Variants in ZFX observed in about 807,000 individuals in gnomAD.
The protein encoded by ZFX is zinc finger protein X-linked.
For synonymous variants in ZFX, 196 were observed against 226.8 expected (o/e 0.86, Z 1.22); for missense variants, 362 against 628.3 (o/e 0.58, Z 4.53).
chrX:24,181,594 TTG>T (rs770743439), intron 5 of ZFX, among the ~76,000 whole-genome samples: 6 of 112,331 alleles, frequency 5.3e-5, no homozygotes, highest in Non-Finnish European at 1.1e-4. Flanking sequence ...TTTTATATCT[TTG>T]TGTACGTTCT....
intron 5 of ZFX, among the ~76,000 whole-genome samples, chrX:24,179,973 G>C (rs1394606774): frequency 9.0e-6 from 1 of 111,155 alleles, no homozygotes; most frequent in Non-Finnish European, 1.9e-5. Flanking sequence ...CATGCCTGTA[G>C]TCCGGGCACT....
At chrX:24,192,545 A>G (rs1936603654) in intron 5 of ZFX, among the ~76,000 whole-genome samples, 1 of 111,283 alleles carries the variant, frequency 9.0e-6, no homozygotes, top group Non-Finnish European at 1.9e-5. Context: ...AGATAATTTC[A>G]GTTGTTCTCA....
chrX:24,157,883 C>G (rs1932882531), intron 3 of ZFX, among the ~76,000 whole-genome samples: 2 of 111,461 alleles, frequency 1.8e-5, no homozygotes, highest in South Asian at 3.8e-4. Context: ...CTCAGCGTCC[C>G]GAGTAGCTGG....
At chrX:24,154,134 CCATTAGG>C (rs769849369) in intron 3 of ZFX, among the ~76,000 whole-genome samples, 10 of 111,862 alleles carry the variant, frequency 8.9e-5, no homozygotes, top group Non-Finnish European at 1.9e-4. Context: ...AGGTACACAG[CCATTAGG>C]CATTTAAAAA....
At chrX:24,199,317 C>G (rs1339683756) in intron 5 of ZFX, among the ~76,000 whole-genome samples, 2 of 109,269 alleles carry the variant, frequency 1.8e-5, no homozygotes, top group African/African-American at 6.7e-5. Context: ...TGCAGTGGCA[C>G]AATCACAGCT....
chrX:24,161,389 T>G lies in ZFX; in HGVS notation c.-29+8559T>G, dbSNP rs146271581. Among the ~76,000 whole-genome samples, 1,040 of 112,091 alleles carry G rather than the reference T, an allele frequency of 9.3e-3. 11 individuals carry two copies. The highest frequency in any genetic ancestry group is 0.031 in the African/African-American group (971 of 30,879). On this transcript the variant is annotated intron_variant, in intron 3 of 9. Transcript: ENST00000304543. ...CACTGCTGCTTTTTTTTCTTTTGGA[T>G]AGGCTAGTTCTCAAATTTACATGGA...
intron 3 of ZFX, among the ~76,000 whole-genome samples, chrX:24,162,234 A>G (rs951933809): frequency 1.8e-5 from 2 of 110,935 alleles, no homozygotes; most frequent in African/African-American, 6.6e-5. Flanking sequence ...GTCTCAAAAA[A>G]CAAAAAAATC....
At chrX:24,198,199 T>C (rs1255760791) in intron 5 of ZFX, among the ~76,000 whole-genome samples, 1 of 111,751 alleles carries the variant, frequency 8.9e-6, no homozygotes, top group Non-Finnish European at 1.9e-5. Flanking sequence ...TTTTATAATA[T>C]TTTTTCTTTT....
chrX:24,206,500 C>CGTGTGTGTGTGTGT (rs774457469), intron 5 of ZFX, among the ~76,000 whole-genome samples: 2 of 59,607 alleles, frequency 3.4e-5, no homozygotes, highest in African/African-American at 1.4e-4. Context: ...CCATGCCTGG[C>CGTGTGTGTGTGTGT]GTGTGTGTGT....
chrX:24,200,718 G>T (rs1937239741), intron 5 of ZFX, among the ~76,000 whole-genome samples: 1 of 111,797 alleles, frequency 8.9e-6, no homozygotes, highest in Non-Finnish European at 1.9e-5. Flanking sequence ...ATTTCTTTCA[G>T]AAGATGAAGA....
At chrX:24,195,573 C>T (rs1936861225) in intron 5 of ZFX, among the ~76,000 whole-genome samples, 1 of 111,114 alleles carries the variant, frequency 9.0e-6, no homozygotes. Context: ...TCAGGATGGT[C>T]TCGGATCTCC....
chrX:24,175,824 C>T lies in ZFX; in HGVS notation c.58+3024C>T, dbSNP rs180884499. ...GAACTCCTGACCTCAAGTGATTCGC[C>T]TGCCTCGGCCTCCCAAAGTGCTGGG... On this transcript the variant is annotated intron_variant, in intron 4 of 9. Coordinates refer to ENST00000304543, the MANE Select transcript of ZFX (RefSeq NM_003410.4). Among the ~76,000 whole-genome samples, 445 of 111,046 alleles carry T rather than the reference C, an allele frequency of 4.0e-3. 2 individuals are homozygous for T. Among genetic ancestry groups the T allele is most frequent in the African/African-American group, 0.013 (405 of 30,545 alleles).
intron 5 of ZFX, among the ~76,000 whole-genome samples, chrX:24,195,912 G>A (rs1439320261): frequency 8.9e-6 from 1 of 112,498 alleles, no homozygotes; most frequent in Non-Finnish European, 1.9e-5. Flanking sequence ...CATGATAAGT[G>A]TGTTACAATT....
At chrX:24,187,705 A>G (rs941884094) in intron 5 of ZFX, among the ~76,000 whole-genome samples, 1 of 111,801 alleles carries the variant, frequency 8.9e-6, no homozygotes, top group African/African-American at 3.3e-5. Flanking sequence ...ATTCATTCAG[A>G]AAACATTTAT....
chrX:24,179,766 T>A lies in ZFX; in HGVS notation c.642T>A (p.Ile214=). The change falls in exon 5 of 10, where the codon ATT becomes ATA. Residue 214 remains isoleucine, a synonymous_variant. Coordinates refer to ENST00000304543, the MANE Select transcript of ZFX (RefSeq NM_003410.4). ...DKGNCEDYLM[I]SLDDAGKIEH... ...GCAACTGTGAGGACTACCTTATGAT[T>A]TCCTGTAAGTCTTGGGGTACAGTGA... The A allele has an allele frequency of 8.3e-7, 1 of 1,200,336 alleles. No homozygotes were observed. The highest frequency in any genetic ancestry group is 3.0e-5 in the East Asian group (1 of 33,759).
chrX:24,171,936 G>GGC (rs1416024863), intron 3 of ZFX, among the ~76,000 whole-genome samples: 3 of 110,393 alleles, frequency 2.7e-5, no homozygotes, highest in Non-Finnish European at 5.7e-5. Context: ...GAGAGAGAGA[G>GGC]AGAGAGGCAG....
chrX:24,177,875 C>G (rs1395087773), intron 4 of ZFX: 1 of 745,781 alleles, frequency 1.3e-6, no homozygotes, highest in South Asian at 6.8e-5. Context: ...AGGTAAAACA[C>G]ATATAATGAA....
intron 5 of ZFX, among the ~76,000 whole-genome samples, chrX:24,194,300 C>A (rs1448163216): frequency 8.9e-6 from 1 of 111,781 alleles, no homozygotes; most frequent in Non-Finnish European, 1.9e-5. Context: ...GCAACTGTAG[C>A]AGGTCCTGGA....
chrX:24,169,466 G>A (rs1475061516), intron 3 of ZFX, among the ~76,000 whole-genome samples: 1 of 110,480 alleles, frequency 9.1e-6, no homozygotes, highest in African/African-American at 3.3e-5. Context: ...CAGCCCTTAC[G>A]TGTAGTTTTA....
Sources: gnomAD v4.1 joint callset for allele counts (sites outside exome capture counted in the v4.1 genomes callset) on GRCh38, gnomAD v4.1.1 for gene constraint, MANE v1.5 for transcripts, NCBI Gene and HGNC (gene_info 2026-07-23, HGNC 2026-07-21) for gene names.